DNM3: variants seen among roughly 807,000 people sequenced by gnomAD.
The protein encoded by DNM3 is dynamin-3.
DNM3 carries 47 observed loss-of-function variants against 101.6 expected under a neutral mutation model. The ratio of observed to expected loss-of-function variants is 0.46; its 90% CI spans 0.37 to 0.59. DNM3 has a LOEUF of 0.59. Among genes scored for constraint, DNM3 ranks in the 20% least tolerant of loss-of-function variants. The pLI, the probability that DNM3 is intolerant of heterozygous loss-of-function variation, is 0.00. For synonymous variants in DNM3, 385 were observed against 387.9 expected (o/e 0.99, Z 0.09); for missense variants, 849 against 1,085.7 (o/e 0.78, Z 3.06).
At chr1:171,870,602 T>G (rs1168302307) in intron 1 of DNM3, among the ~76,000 whole-genome samples, 2 of 152,206 alleles carry the variant, frequency 1.3e-5, no homozygotes, top group Non-Finnish European at 1.5e-5. Flanking sequence ...AAGAGTCTTT[T>G]GAATGCTTAT....
chr1:172,324,748 C>T (rs374528128), intron 17 of DNM3, among the ~76,000 whole-genome samples: 1 of 152,114 alleles, frequency 6.6e-6, no homozygotes, highest in African/African-American at 2.4e-5. Context: ...TTGAATAGTA[C>T]GTATGTCGAA....
intron 2 of DNM3, among the ~76,000 whole-genome samples, chr1:171,959,663 A>G (rs1174281846): frequency 1.3e-5 from 2 of 152,212 alleles, no homozygotes; most frequent in African/African-American, 4.8e-5. Flanking sequence ...TTGAAGTGTC[A>G]GGAGACAGAG....
chr1:172,242,185 G>T (rs1356131366), intron 14 of DNM3, among the ~76,000 whole-genome samples: 2 of 152,136 alleles, frequency 1.3e-5, no homozygotes, highest in African/African-American at 4.8e-5. Flanking sequence ...TTTCCTGGTA[G>T]GGACAGGGAA....
At chr1:172,192,333 C>A (rs1404774580) in intron 14 of DNM3, among the ~76,000 whole-genome samples, 1 of 150,398 alleles carries the variant, frequency 6.6e-6, no homozygotes, top group East Asian at 1.9e-4. Flanking sequence ...CCTTGCATCC[C>A]AGGGATGAAG....
rs567466647 is a variant in DNM3 at position 172,198,679 on chromosome 1, G to A, written c.1660-54894G>A. Among the ~76,000 whole-genome samples the A allele has an allele frequency of 3.9e-5, 6 of 152,112 alleles. No individual in the cohort carries two copies. In the South Asian group the frequency reaches 1.0e-3, roughly 26 times the overall value. On this transcript the variant is annotated intron_variant, in intron 14 of 20. Coordinates refer to ENST00000627582, the MANE Select transcript of DNM3 (RefSeq NM_015569.5). ...TCCAGGAATTTATCTATTTCCTCTA[G>A]GTTTCCTAGTTTTTGTGCATAGAGG...
intron 13 of DNM3, among the ~76,000 whole-genome samples, chr1:172,104,860 A>G (rs533211158): frequency 1.3e-5 from 2 of 152,324 alleles, no homozygotes; most frequent in African/African-American, 4.8e-5. Flanking sequence ...TAACTTACAG[A>G]GCAGAGTATA....
At position 171,944,622 on chromosome 1, in the gene DNM3, C is replaced by T. The variant is rs991272970; in HGVS notation, c.235+22801C>T. On this transcript the variant is annotated intron_variant, in intron 2 of 20. Transcript: ENST00000627582. ...ACTCCTGAGCTCAGCGATCCACCTGCCTTGGCTTCCCAAAGTGCTGGGATT... is the reference window on the plus strand; with the variant it reads ...ACTCCTGAGCTCAGCGATCCACCTGTCTTGGCTTCCCAAAGTGCTGGGATT... Among the ~76,000 whole-genome samples the T allele has an allele frequency of 2.1e-4, 32 of 152,044 alleles. 1 individual carries two copies. The highest frequency in any genetic ancestry group is 7.0e-4 in the African/African-American group (29 of 41,504).
chr1:172,257,601 G>GT (rs1224879317), intron 15 of DNM3, among the ~76,000 whole-genome samples: 3 of 151,716 alleles, frequency 2.0e-5, no homozygotes, highest in Non-Finnish European at 4.4e-5. Flanking sequence ...ATATTTATAC[G>GT]TATTTATGGA....
At chr1:172,117,505 T>G (rs1451527935) in intron 13 of DNM3, among the ~76,000 whole-genome samples, 1 of 152,174 alleles carries the variant, frequency 6.6e-6, no homozygotes, top group Admixed American at 6.5e-5. Context: ...TTTCTGCTTT[T>G]GCTTCTTCCT....
At chr1:172,239,271 G>C (rs1459796930) in intron 14 of DNM3, among the ~76,000 whole-genome samples, 1 of 152,122 alleles carries the variant, frequency 6.6e-6, no homozygotes, top group African/African-American at 2.4e-5. Context: ...TTCCCTCACA[G>C]TTCAAAAGCT....
At chr1:172,367,576 T>G (rs1261797233) in intron 17 of DNM3, among the ~76,000 whole-genome samples, 1 of 151,780 alleles carries the variant, frequency 6.6e-6, no homozygotes, top group Non-Finnish European at 1.5e-5. Flanking sequence ...ATGACAAGAT[T>G]AAGTCCTCTC....
At position 172,283,780 on chromosome 1, in the gene DNM3, A is replaced by AAAAAAAAAAAG. The variant is rs1553221113; in HGVS notation, c.1770-24945_1770-24944insAAAAAAAGAAA. On this transcript the variant is annotated intron_variant, in intron 15 of 20. Coordinates refer to ENST00000627582, the MANE Select transcript of DNM3 (RefSeq NM_015569.5). ...ATCTCAAAAAAAAAAAAAAAAAAAA[A>AAAAAAAAAAAG]AAAGAAAGAAAGAAAGAAAACCAAG... 1.7e-3 allele frequency among the ~76,000 whole-genome samples: 203 copies of AAAAAAAAAAAG among 119,022 alleles called. 6 individuals carry two copies. The highest frequency in any genetic ancestry group is 6.1e-3 in the African/African-American group (180 of 29,572). 78.1% of individuals were successfully genotyped at this position (119,022 alleles called of 152,430 possible).
intron 2 of DNM3, among the ~76,000 whole-genome samples, chr1:171,925,532 TG>T (rs1177745063): frequency 1.3e-5 from 2 of 152,186 alleles, no homozygotes; most frequent in African/African-American, 4.8e-5. Flanking sequence ...GCCTGGCCTT[TG>T]CCCACTTTTT....
At chr1:172,293,201 A>G (rs1212701301) in intron 15 of DNM3, among the ~76,000 whole-genome samples, 1 of 152,256 alleles carries the variant, frequency 6.6e-6, no homozygotes, top group Non-Finnish European at 1.5e-5. Flanking sequence ...ATAATTGCCA[A>G]CATTCACTAT....
At chr1:171,871,937 G>A (rs1466325085) in intron 1 of DNM3, among the ~76,000 whole-genome samples, 2 of 120,400 alleles carry the variant, frequency 1.7e-5, no homozygotes, top group African/African-American at 3.3e-5. Flanking sequence ...GGGTTAAGAG[G>A]TAGTAATTTT....
Position 172,124,362 on chromosome 1 carries a change from G to A in DNM3, c.1546-6813G>A, listed in dbSNP as rs377254833. Among the ~76,000 whole-genome samples, 308 of 152,308 alleles carry A rather than the reference G, an allele frequency of 2.0e-3. 2 individuals carry two copies. Among genetic ancestry groups the A allele is most frequent in the African/African-American group, 6.7e-3 (277 of 41,572 alleles). On this transcript the variant is annotated intron_variant, in intron 13 of 20. Coordinates refer to ENST00000627582, the MANE Select transcript of DNM3 (RefSeq NM_015569.5). The stretch of plus-strand genomic sequence containing the variant: ...GGAGAAGGACACTTGAAACATGGCC[G>A]TCTATTGCAAAATTCAGGAATTTGC...
intron 16 of DNM3, among the ~76,000 whole-genome samples, chr1:172,316,920 A>C (rs1444664716): frequency 6.6e-6 from 1 of 152,218 alleles, no homozygotes; most frequent in Non-Finnish European, 1.5e-5. Flanking sequence ...CTCCACCCCA[A>C]ATCAATAGAA....
At chr1:172,151,089 T>A (rs769578902) in intron 14 of DNM3, among the ~76,000 whole-genome samples, 3 of 152,200 alleles carry the variant, frequency 2.0e-5, no homozygotes, top group Non-Finnish European at 2.9e-5. Flanking sequence ...TGTATATAAG[T>A]GTGTATGTAT....
intron 14 of DNM3, among the ~76,000 whole-genome samples, chr1:172,141,705 T>G (rs1371893848): frequency 3.9e-5 from 6 of 152,030 alleles, no homozygotes; most frequent in African/African-American, 1.4e-4. Context: ...GGGTAGATAG[T>G]ATATTTTGGT....
Sources: allele counts gnomAD v4.1 joint callset (sites outside exome capture counted in the v4.1 genomes callset), GRCh38; gene constraint gnomAD v4.1.1; transcripts MANE v1.5; gene names NCBI Gene and HGNC (gene_info 2026-07-23, HGNC 2026-07-21).